The following KIAA0586 variants were observed in gnomAD, a reference collection of about 807,000 sequenced individuals.
The protein encoded by KIAA0586 is KIAA0586.
In KIAA0586, 144 loss-of-function variants were observed where a neutral mutation model predicts 169.8. The ratio of observed to expected loss-of-function variants is 0.85; its 90% confidence interval spans 0.74 to 0.97. KIAA0586 has a LOEUF of 0.97. KIAA0586 is among the 50% of genes least tolerant of loss of function. KIAA0586 has a pLI of 0.00. For synonymous variants in KIAA0586, 625 were observed against 612.4 expected, an observed-to-expected ratio of 1.02 and a Z score of -0.30; for missense variants, 1,854 against 1,823.0, an observed-to-expected ratio of 1.02 and a Z score of -0.31.
At chr14:58,484,505 G>A (rs1344478175) in intron 21 of KIAA0586, among the ~76,000 whole-genome samples, 1 of 151,966 alleles carries the variant, frequency 6.6e-6, no homozygotes, top group Non-Finnish European at 1.5e-5. Flanking sequence ...GCTTAATCTA[G>A]TGCCTAGAAC....
At chr14:58,436,412 A>G (rs1307038050) in intron 4 of KIAA0586, among the ~76,000 whole-genome samples, 1 of 152,216 alleles carries the variant, frequency 6.6e-6, no homozygotes, top group Non-Finnish European at 1.5e-5. Flanking sequence ...CTGAAGAAGT[A>G]TGAAATTTTG....
chr14:58,507,825 C>A (rs1037817504), intron 27 of KIAA0586, among the ~76,000 whole-genome samples: 3 of 151,808 alleles, frequency 2.0e-5, no homozygotes, highest in Admixed American at 2.0e-4. Flanking sequence ...CATTTTGTTA[C>A]CCAGACTGGA....
At position 58,490,196 on chromosome 14, in the gene KIAA0586, C is replaced by T; in HGVS notation, c.3814C>T (p.Leu1272Phe). The T allele has an allele frequency of 6.5e-7, 1 of 1,537,684 alleles. No homozygotes were observed. The highest frequency in any genetic ancestry group is 1.2e-5 in the South Asian group (1 of 81,788). The change falls in exon 25 of 31, where the codon CTT (leucine) becomes TTT (phenylalanine). Residue 1272 changes from leucine (L) to phenylalanine (F), a missense_variant. Leu to Phe is a conservative substitution (Grantham distance 22). Coordinates refer to ENST00000652326, the MANE Select transcript of KIAA0586 (RefSeq NM_001329943.3). The part of the protein sequence containing the change: ...LEDIGLYLTN[L>F]NDSLSSTLHD... Reference sequence around the variant, plus strand: ...AGATATAGGACTGTACCTGACAAACCTTAATGATAGCTTATCCAGCACTCT... The same window carrying T: ...AGATATAGGACTGTACCTGACAAACTTTAATGATAGCTTATCCAGCACTCT...
intron 9 of KIAA0586, among the ~76,000 whole-genome samples, chr14:58,456,224 T>TA (rs1478360991): frequency 4.6e-5 from 7 of 152,248 alleles, no homozygotes; most frequent in South Asian, 2.1e-4. Flanking sequence ...TGAGGCAAGT[T>TA]AAAAAAATTC....
At chr14:58,451,002 T>A (rs78615555) in intron 8 of KIAA0586, among the ~76,000 whole-genome samples, 1 of 149,340 alleles carries the variant, frequency 6.7e-6, no homozygotes, top group Non-Finnish European at 1.5e-5. Flanking sequence ...TTTTTTTTTT[T>A]TTCTGAGACG....
chr14:58,454,197 ATTTTC>A (rs980984042), intron 9 of KIAA0586, among the ~76,000 whole-genome samples: 2 of 151,968 alleles, frequency 1.3e-5, no homozygotes, highest in African/African-American at 4.8e-5. Flanking sequence ...TTTTTGAGTT[ATTTTC>A]TTCGTGGTCA....
Position 58,543,858 on chromosome 14 carries a change from CT to C in KIAA0586, c.4495+3732del, listed in dbSNP as rs151221880. The C allele has an allele frequency of 5.5e-3, 2,081 of 378,348 alleles. 1 individual carries two copies. The highest frequency in any genetic ancestry group is 9.3e-3 in the South Asian group (454 of 48,998). The allele number at this position is 378,348 out of a possible 1,614,324, so 23.4% of individuals were successfully genotyped here. A position where few individuals can be genotyped will look rare whatever the true frequency, so the allele number is the denominator to read the frequency against. ...ACAGCTATTAGGATGATTTTTACCT[CT>C]TTTTTTTTTAACTTTTATTTTAGGT... is the stretch of plus-strand genomic sequence containing the variant. On this transcript the variant is annotated intron_variant, in intron 30 of 30. Coordinates refer to ENST00000652326, the MANE Select transcript of KIAA0586 (RefSeq NM_001329943.3).
intron 27 of KIAA0586, among the ~76,000 whole-genome samples, chr14:58,499,779 G>A (rs1287210400): frequency 2.0e-5 from 3 of 151,216 alleles, no homozygotes; most frequent in African/African-American, 7.3e-5. Flanking sequence ...GGCTGGTCTC[G>A]AACTCCTGAC....
At chr14:58,451,885 A>C (rs1478220295) in intron 8 of KIAA0586, among the ~76,000 whole-genome samples, 1 of 152,104 alleles carries the variant, frequency 6.6e-6, no homozygotes, top group African/African-American at 2.4e-5. Flanking sequence ...GGGTTTCACC[A>C]TGTTAGCCAG....
At chr14:58,495,130 T>C (rs2043078079) in intron 26 of KIAA0586, among the ~76,000 whole-genome samples, 1 of 152,126 alleles carries the variant, frequency 6.6e-6, no homozygotes, top group Non-Finnish European at 1.5e-5. Context: ...CAGTGTTGAT[T>C]TTGAGAGCTG....
At chr14:58,560,364 C>G in the KIAA0586 span, among the ~76,000 whole-genome samples, 3 of 152,202 alleles carry the variant, frequency 2.0e-5, no homozygotes, top group Non-Finnish European at 4.4e-5. Context: ...ATTGCCTCCT[C>G]TTTCACAGGC....
intron 29 of KIAA0586, among the ~76,000 whole-genome samples, chr14:58,518,330 T>C (rs990892573): frequency 6.6e-6 from 1 of 152,200 alleles, no homozygotes; most frequent in Non-Finnish European, 1.5e-5. Context: ...ATACAGTATA[T>C]TTTCAATACA....
chr14:58,465,874 A>T lies in KIAA0586; in HGVS notation c.2099A>T (p.Tyr700Phe). ...VKSIRTQTDF[Y>F]ATKPKKMDSK... ...TCAATAAGAACACAGACTGACTTCT[A>T]TGCAACAAAACCTAAGAAGATGGAT... The change falls in exon 15 of 31, where the codon TAT becomes TTT. Residue 700 changes from tyrosine to phenylalanine, a missense_variant. Physicochemically the swap from Tyr to Phe is conservative, Grantham distance 22. Transcript: ENST00000652326. 1 of 1,612,240 alleles carries T rather than the reference A, an allele frequency of 6.2e-7. No homozygotes were observed. The highest frequency in any genetic ancestry group is 8.5e-7 in the Non-Finnish European group (1 of 1,178,922).
intron 30 of KIAA0586, among the ~76,000 whole-genome samples, chr14:58,540,653 C>G (rs781266125): frequency 6.6e-6 from 1 of 152,026 alleles, no homozygotes; most frequent in Non-Finnish European, 1.5e-5. Flanking sequence ...TTAAAATAAG[C>G]ATTTGTCAAC....
chr14:58,558,782 C>T, the KIAA0586 span, among the ~76,000 whole-genome samples: 7 of 152,198 alleles, frequency 4.6e-5, no homozygotes, highest in East Asian at 5.8e-4. Context: ...TAGTCTTTCC[C>T]GTTAGGTTTA....
chr14:58,551,699 G>A (rs1386707434), downstream of KIAA0586, among the ~76,000 whole-genome samples: 3 of 152,128 alleles, frequency 2.0e-5, no homozygotes, highest in Non-Finnish European at 4.4e-5. Context: ...CCAGGAGGCG[G>A]AGGTTGCAGT....
chr14:58,469,257 A>C (rs372312815), intron 16 of KIAA0586, among the ~76,000 whole-genome samples: 11 of 152,214 alleles, frequency 7.2e-5, no homozygotes, highest in African/African-American at 2.2e-4. Context: ...GAGGCAGTCA[A>C]TGGATCTCAG....
chr14:58,530,714 C>T lies in KIAA0586; in HGVS notation c.4430-9357C>T, dbSNP rs574748515. ...ATTCAAGATGGATTAAAGACTTAAA[C>T]ATAAGACCTAAAACCATAAAAACCC... On this transcript the variant is annotated intron_variant, in intron 29 of 30. Transcript: ENST00000652326. 1.6e-4 allele frequency among the ~76,000 whole-genome samples: 25 copies of T among 152,204 alleles called. No individual in the cohort carries two copies. In the South Asian group the frequency reaches 5.2e-3, roughly 32 times the overall value.
chr14:58,465,918 G>A lies in KIAA0586; in HGVS notation c.2143G>A (p.Val715Ile). 6.2e-7 allele frequency: 1 copy of A among 1,612,640 alleles called. No individual in the cohort carries two copies. Among genetic ancestry groups the A allele is most frequent in the Non-Finnish European group, 8.5e-7 (1 of 1,178,820 alleles). The change falls in exon 15 of 31, where the codon GTT (valine) becomes ATT (isoleucine). Residue 715 changes from valine to isoleucine, a missense_variant. Transcript: ENST00000652326. ...KKMDSKMKHS[V>I]PVLPHGDQQY... The stretch of plus-strand genomic sequence containing the variant: ...GATGGATTCTAAAATGAAACATTCT[G>A]TTCCTGTGTTACCTCATGGCGATCA...
Sources: gnomAD v4.1 joint callset for allele counts (sites outside exome capture counted in the v4.1 genomes callset) on GRCh38, gnomAD v4.1.1 for gene constraint, MANE v1.5 for transcripts, NCBI Gene and HGNC (gene_info 2026-07-23, HGNC 2026-07-21) for gene names.